Variants in EPHB1 observed in about 807,000 individuals in gnomAD.
EPHB1 encodes EPH receptor B1, also known as ephrin type-B receptor 1.
In EPHB1, 30 loss-of-function variants were observed where a neutral mutation model predicts 94.4. The ratio of observed to expected loss-of-function variants is 0.32; its 90% CI spans 0.24 to 0.43. The LOEUF is 0.43. Ranked by LOEUF, EPHB1 falls within the 20% of genes least tolerant of loss-of-function variation. The pLI is 1.00. For synonymous variants in EPHB1, 522 were observed against 489.1 expected, an observed-to-expected ratio of 1.07 and a Z score of -0.89; for missense variants, 1,055 against 1,308.3, an observed-to-expected ratio of 0.81 and a Z score of 2.99.
chr3:135,012,044 CAG>C (rs1369591496), intron 3 of EPHB1, among the ~76,000 whole-genome samples: 1 of 152,102 alleles, frequency 6.6e-6, no homozygotes, highest in Non-Finnish European at 1.5e-5. Context: ...GAGAGTCTGT[CAG>C]AGTCTTCTAT....
At chr3:134,948,078 G>A (rs2039246561) in intron 2 of EPHB1, among the ~76,000 whole-genome samples, 1 of 152,168 alleles carries the variant, frequency 6.6e-6, no homozygotes, top group Admixed American at 6.5e-5. Flanking sequence ...ATAGGCATAA[G>A]CCATTGCACC....
At position 135,148,404 on chromosome 3, in the gene EPHB1, G is replaced by T. The variant is rs117083454; in HGVS notation, c.1298-5748G>T. The stretch of plus-strand genomic sequence containing the variant: ...CAGAACTCTAGGATCCAGAGTCTGG[G>T]TTATTAACTTTTGAGATAGAGTCAT... On this transcript the variant is annotated intron_variant, in intron 5 of 15. Coordinates refer to ENST00000398015, the MANE Select transcript of EPHB1 (RefSeq NM_004441.5). 3.3e-4 allele frequency among the ~76,000 whole-genome samples: 50 copies of T among 152,302 alleles called. No homozygotes were observed. The East Asian group carries it at 7.7e-3, about 24-fold the overall frequency.
intron 6 of EPHB1, among the ~76,000 whole-genome samples, chr3:135,157,689 G>T (rs1245592180): frequency 6.6e-6 from 1 of 152,202 alleles, no homozygotes; most frequent in Non-Finnish European, 1.5e-5. Context: ...CACTTACGAA[G>T]TGCTTGACTA....
intron 1 of EPHB1, among the ~76,000 whole-genome samples, chr3:134,801,043 G>A (rs1446499053): frequency 2.0e-5 from 3 of 152,158 alleles, no homozygotes; most frequent in East Asian, 3.8e-4. Context: ...TGGAATCTAG[G>A]GGAGGGAAGG....
intron 3 of EPHB1, among the ~76,000 whole-genome samples, chr3:134,961,607 T>C (rs1933524202): frequency 6.6e-6 from 1 of 152,232 alleles, no homozygotes; most frequent in African/African-American, 2.4e-5. Context: ...AGAGAGTCGA[T>C]GGATTTGTAC....
chr3:135,162,190 G>C lies in EPHB1; in HGVS notation c.1585+10G>C. ...CAGACTCTGACTGACGGTAAGGGTC[G>C]GGGAGGGCAGTGGCATAATCACAGG... is the stretch of plus-strand genomic sequence containing the variant. On this transcript the variant is annotated intron_variant, in intron 7 of 15. Transcript: ENST00000398015. 6.3e-7 allele frequency: 1 copy of C among 1,590,818 alleles called. No individual in the cohort carries two copies. Among genetic ancestry groups the C allele is most frequent in the Non-Finnish European group, 8.6e-7 (1 of 1,165,618 alleles).
At chr3:134,923,689 A>G (rs901553298) in intron 1 of EPHB1, among the ~76,000 whole-genome samples, 1 of 152,146 alleles carries the variant, frequency 6.6e-6, no homozygotes. Flanking sequence ...CTCCCCATTT[A>G]TCACTTCTGT....
intron 4 of EPHB1, among the ~76,000 whole-genome samples, chr3:135,111,948 G>C (rs1308591176): frequency 6.6e-6 from 1 of 152,244 alleles, no homozygotes; most frequent in Non-Finnish European, 1.5e-5. Flanking sequence ...AAAGTGCTGG[G>C]ATTATAGGCG....
At chr3:135,070,374 A>C (rs747987715) in intron 3 of EPHB1, among the ~76,000 whole-genome samples, 4 of 152,130 alleles carry the variant, frequency 2.6e-5, no homozygotes, top group Non-Finnish European at 2.9e-5. Flanking sequence ...GAAACCCTAG[A>C]GTTTACTTGA....
chr3:135,085,498 C>T (rs746595468), intron 3 of EPHB1, among the ~76,000 whole-genome samples: 10 of 152,208 alleles, frequency 6.6e-5, no homozygotes, highest in Non-Finnish European at 8.8e-5. Context: ...CACCTTGGAG[C>T]CCAGGTTTAC....
At chr3:134,832,592 C>A (rs1006421447) in intron 1 of EPHB1, among the ~76,000 whole-genome samples, 3 of 152,158 alleles carry the variant, frequency 2.0e-5, no homozygotes, top group Non-Finnish European at 2.9e-5. Flanking sequence ...CACTGAAAAC[C>A]TTAAATACCT....
At chr3:135,159,749 G>A (rs1245594811) in intron 6 of EPHB1, among the ~76,000 whole-genome samples, 1 of 152,144 alleles carries the variant, frequency 6.6e-6, no homozygotes, top group Non-Finnish European at 1.5e-5. Flanking sequence ...GAGTGAGAAT[G>A]GGCCTCTTTG....
chr3:135,106,745 A>T, intron 4 of EPHB1, 142 bp downstream of exon 4: 2 of 1,054,510 alleles, frequency 1.9e-6, no homozygotes, highest in South Asian at 1.6e-5. Flanking sequence ...GAAACATACA[A>T]CTCCTATGCT....
intron 5 of EPHB1, among the ~76,000 whole-genome samples, chr3:135,142,148 G>A (rs1940851076): frequency 6.6e-6 from 1 of 152,206 alleles, no homozygotes. Context: ...TGGGAAATAA[G>A]ATTGGTTGCT....
chr3:134,901,172 T>A (rs2038195363), intron 1 of EPHB1, among the ~76,000 whole-genome samples: 1 of 152,196 alleles, frequency 6.6e-6, no homozygotes, highest in African/African-American at 2.4e-5. Context: ...TATTATCACA[T>A]CTAAAATAAT....
intron 10 of EPHB1, among the ~76,000 whole-genome samples, chr3:135,187,825 C>G (rs1298738870): frequency 6.6e-6 from 1 of 152,130 alleles, no homozygotes; most frequent in Non-Finnish European, 1.5e-5. Flanking sequence ...GCTGCAGAAA[C>G]CTACTTTTCC....
intron 3 of EPHB1, among the ~76,000 whole-genome samples, chr3:135,017,399 A>G (rs1935837576): frequency 6.6e-6 from 1 of 152,206 alleles, no homozygotes; most frequent in Non-Finnish European, 1.5e-5. Flanking sequence ...AGGATTGCAA[A>G]TAGTGTGCGT....
At chr3:134,972,116 C>G (rs762102776) in intron 3 of EPHB1, among the ~76,000 whole-genome samples, 52 of 152,056 alleles carry the variant, frequency 3.4e-4, no homozygotes, top group Non-Finnish European at 5.7e-4. Context: ...CTGAGAATTG[C>G]CTCTCCCCTG....
chr3:134,989,758 A>G (rs1934731237), intron 3 of EPHB1, among the ~76,000 whole-genome samples: 1 of 152,236 alleles, frequency 6.6e-6, no homozygotes, highest in African/African-American at 2.4e-5. Context: ...CATTTGATAA[A>G]TGCTTCTTCA....
Sources: allele counts gnomAD v4.1 joint callset (sites outside exome capture counted in the v4.1 genomes callset), GRCh38; gene constraint gnomAD v4.1.1; transcripts MANE v1.5; gene names NCBI Gene and HGNC (gene_info 2026-07-23, HGNC 2026-07-21).